The following NR6A1 variants were observed in gnomAD, a reference collection of about 807,000 sequenced individuals.
NR6A1 encodes retinoic acid receptor-related testis-associated receptor.
A neutral mutation model predicts 59.1 loss-of-function variants in NR6A1; 7 were observed. The observed-to-expected ratio is 0.12, with a 90% CI of 0.07 to 0.22. The LOEUF is 0.22. NR6A1 is among the 10% of genes least tolerant of loss of function. The pLI is 1.00. For missense variants in NR6A1, 468 were observed against 611.6 expected (o/e 0.77, Z 2.48); for synonymous variants, 243 against 236.1 (o/e 1.03, Z -0.27).
intron 2 of NR6A1, among the ~76,000 whole-genome samples, chr9:124,661,377 T>C (rs1001822985): frequency 2.0e-5 from 3 of 152,196 alleles, no homozygotes; most frequent in Admixed American, 2.0e-4. Flanking sequence ...TGCTGCAACC[T>C]GAGCACCAAC....
intron 2 of NR6A1, among the ~76,000 whole-genome samples, chr9:124,596,908 G>T (rs1054974942): frequency 1.3e-5 from 2 of 152,156 alleles, no homozygotes; most frequent in African/African-American, 2.4e-5. Context: ...TGATTTCTGA[G>T]GATAAATGCT....
chr9:124,606,554 A>T (rs772417040), intron 2 of NR6A1, among the ~76,000 whole-genome samples: 1 of 152,240 alleles, frequency 6.6e-6, no homozygotes, highest in Non-Finnish European at 1.5e-5. Flanking sequence ...GAGTCAGACA[A>T]ACTTGGTATC....
rs777612868 is a variant in NR6A1, at chr9:124,535,894, C to G, written c.1063G>C (p.Asp355His). 4.3e-6 allele frequency: 7 copies of G among 1,614,048 alleles called. No homozygotes were observed. In the South Asian group the frequency reaches 7.7e-5, roughly 18 times the overall value. ...AGGCCTCACCTGTGTAGTTCTTCAT[C>G]GGAGGGCGAGTACTTGGCAGTGACA... ...ADVTAKYSPSDEELHRFSDEG... is the reference protein window; with the variant it reads ...ADVTAKYSPSHEELHRFSDEG... The change falls in exon 7 of 10, where the codon GAT (aspartate) becomes CAT (histidine). Residue 355 changes from aspartate (D) to histidine (H), a missense_variant. By Grantham distance (81) the Asp-to-His change is moderately conservative. This residue lies in a region of NR6A1 where 176 missense variants were observed against 264.0 expected (regional missense o/e 0.67). Transcript: ENST00000487099.
chr9:124,691,856 G>T (rs78713422), intron 2 of NR6A1, among the ~76,000 whole-genome samples: 2 of 152,174 alleles, frequency 1.3e-5, no homozygotes, highest in African/African-American at 2.4e-5. Context: ...AGACCTACCT[G>T]CTATTATTAT....
At chr9:124,680,899 T>G (rs1265728680) in intron 2 of NR6A1, among the ~76,000 whole-genome samples, 1 of 152,234 alleles carries the variant, frequency 6.6e-6, no homozygotes, top group African/African-American at 2.4e-5. Flanking sequence ...TGGGTTAAAC[T>G]GCTGCCCTTG....
At chr9:124,700,065 G>T (rs1391122544) in intron 2 of NR6A1, among the ~76,000 whole-genome samples, 1 of 152,040 alleles carries the variant, frequency 6.6e-6, no homozygotes, top group Non-Finnish European at 1.5e-5. Flanking sequence ...GGCCTGGCTG[G>T]TCTCAAACTC....
At chr9:124,599,320 G>A (rs987658623) in intron 2 of NR6A1, 4 of 365,122 alleles carry the variant, frequency 1.1e-5, no homozygotes, top group Non-Finnish European at 1.6e-5. Flanking sequence ...GCGGGCGCCC[G>A]AGGCAGGAGA....
chr9:124,529,024 C>T (rs1833022587), intron 7 of NR6A1, among the ~76,000 whole-genome samples: 2 of 152,184 alleles, frequency 1.3e-5, no homozygotes, highest in African/African-American at 2.4e-5. Flanking sequence ...CAATCTGGAA[C>T]GTTGACCTTC....
intron 2 of NR6A1, among the ~76,000 whole-genome samples, chr9:124,676,640 G>T (rs1046386121): frequency 1.3e-5 from 2 of 152,106 alleles, no homozygotes; most frequent in African/African-American, 4.8e-5. Flanking sequence ...TCAAAAACAG[G>T]ATCTCTCCTA....
chr9:124,676,944 A>G (rs1837982843), intron 2 of NR6A1, among the ~76,000 whole-genome samples: 1 of 152,190 alleles, frequency 6.6e-6, no homozygotes, highest in African/African-American at 2.4e-5. Context: ...CTCATATTCA[A>G]GACTGAAAAG....
At chr9:124,751,400 C>A (rs1319362271) in intron 1 of NR6A1, among the ~76,000 whole-genome samples, 4 of 152,098 alleles carry the variant, frequency 2.6e-5, no homozygotes, top group Non-Finnish European at 5.9e-5. Flanking sequence ...GGTAAAAATT[C>A]TTCTAGATAG....
chr9:124,715,830 A>G (rs1463939473), intron 2 of NR6A1, among the ~76,000 whole-genome samples: 1 of 152,206 alleles, frequency 6.6e-6, no homozygotes, highest in Non-Finnish European at 1.5e-5. Context: ...TCAAGACACT[A>G]TGGTATTGGT....
intron 6 of NR6A1, among the ~76,000 whole-genome samples, chr9:124,537,147 C>T (rs1363926725): frequency 2.0e-5 from 3 of 151,226 alleles, no homozygotes; most frequent in African/African-American, 7.3e-5. Flanking sequence ...AATCTCGGCT[C>T]ACCGCAACCT....
chr9:124,632,310 G>C (rs766837376), intron 2 of NR6A1, among the ~76,000 whole-genome samples: 1 of 152,088 alleles, frequency 6.6e-6, no homozygotes, highest in Admixed American at 6.6e-5. Flanking sequence ...CCTTTTTCTC[G>C]ACAATCTTGC....
intron 2 of NR6A1, chr9:124,595,777 G>C: frequency 1.6e-6 from 2 of 1,289,116 alleles, no homozygotes; most frequent in Non-Finnish European, 2.0e-6. Context: ...CATGCTTCTT[G>C]TAGTCTGCTG....
intron 2 of NR6A1, among the ~76,000 whole-genome samples, chr9:124,576,608 C>T (rs929017681): frequency 6.6e-6 from 1 of 152,100 alleles, no homozygotes; most frequent in East Asian, 1.9e-4. Context: ...GCTTTGTATC[C>T]CAGTTAGTCA....
At chr9:124,717,922 T>A (rs1164246851) in intron 2 of NR6A1, among the ~76,000 whole-genome samples, 1 of 152,226 alleles carries the variant, frequency 6.6e-6, no homozygotes, top group African/African-American at 2.4e-5. Flanking sequence ...TAACATACAG[T>A]AAATGCTCAT....
intron 2 of NR6A1, among the ~76,000 whole-genome samples, chr9:124,585,861 TCTAC>T (rs1437405748): frequency 6.6e-6 from 1 of 152,168 alleles, no homozygotes; most frequent in African/African-American, 2.4e-5. Context: ...TTAAATCTAC[TCTAC>T]CTGTGTTCTA....
In NR6A1 at chr9:124,591,308, C is replaced by A. The variant is rs113016129; in HGVS notation, c.143-36738G>T. Among the ~76,000 whole-genome samples, 1,208 of 152,284 alleles carry A rather than the reference C, an allele frequency of 7.9e-3. 14 individuals are homozygous for A. The highest frequency in any genetic ancestry group is 0.028 in the African/African-American group (1,153 of 41,546). On this transcript the variant is annotated intron_variant, in intron 2 of 9. Transcript: ENST00000487099. ...TTTCTTATTTAATTCCCATAGCGGT[C>A]CTGTGAGATAGGTATTACTATCCTC...
Sources: gnomAD v4.1 joint callset for allele counts (sites outside exome capture counted in the v4.1 genomes callset) on GRCh38, gnomAD v4.1.1 for gene constraint, gnomAD v4.1.1 regional missense constraint, MANE v1.5 for transcripts, NCBI Gene and HGNC (gene_info 2026-07-23, HGNC 2026-07-21) for gene names.